STARD13: variants seen among roughly 807,000 people sequenced by gnomAD.
STARD13 encodes the protein StAR related lipid transfer domain containing 13.
STARD13 carries 62 observed loss-of-function variants against 106.4 expected under a neutral mutation model. That is an observed-to-expected ratio of 0.58 (90% CI 0.48 to 0.72). STARD13 has a LOEUF of 0.72. Ranked by LOEUF, STARD13 falls within the 30% of genes least tolerant of loss-of-function variation. STARD13 has a pLI of 0.00. For synonymous variants in STARD13, 565 were observed against 553.0 expected (o/e 1.02, Z -0.31); for missense variants, 1,387 against 1,424.0 (o/e 0.97, Z 0.42).
chr13:33,167,003 C>CA (rs139921719), intron 2 of STARD13, among the ~76,000 whole-genome samples: 5,694 of 126,696 alleles, frequency 0.045, 223 homozygotes, highest in African/African-American at 0.1. Flanking sequence ...CAAAAAAAAA[C>CA]AAAAAAAAAA....
At chr13:33,412,790 G>C in the STARD13 span, among the ~76,000 whole-genome samples, 1 of 152,062 alleles carries the variant, frequency 6.6e-6, no homozygotes, top group Non-Finnish European at 1.5e-5. Flanking sequence ...GTGTCAAAAA[G>C]CAGAGTTTCA....
intron 3 of STARD13, among the ~76,000 whole-genome samples, chr13:33,163,826 A>T (rs1279136868): frequency 1.3e-5 from 2 of 150,028 alleles, no homozygotes; most frequent in Admixed American, 6.7e-5. Context: ...AAAATAATAT[A>T]TAATTTTTCA....
rs931765756 is a variant in STARD13 at position 33,255,731 on chromosome 13, C to G, written c.169+29739G>C. On this transcript the variant is annotated intron_variant, in intron 1 of 13. Transcript: ENST00000336934. ...ATTTCCATCCTTAACTTCATTTCTG[C>G]CACACTCCCTCCAGGGCAGGGAGGG... Among the ~76,000 whole-genome samples, 8 of 152,244 alleles carry G rather than the reference C, an allele frequency of 5.3e-5. No individual in the cohort carries two copies. The East Asian group carries it at 7.7e-4, about 15-fold the overall frequency.
the STARD13 span, among the ~76,000 whole-genome samples, chr13:33,384,972 T>C: frequency 1.3e-5 from 2 of 151,898 alleles, no homozygotes; most frequent in African/African-American, 4.8e-5. Context: ...GAATCATGTC[T>C]GGGTTGATAA....
At chr13:33,161,364 G>A (rs777650671) in intron 3 of STARD13, among the ~76,000 whole-genome samples, 18 of 151,870 alleles carry the variant, frequency 1.2e-4, no homozygotes, top group Non-Finnish European at 2.5e-4. Flanking sequence ...ACCTAGGCTG[G>A]AGTGCAGTGG....
chr13:33,305,693 T>C (rs964833197), intron 1 of STARD13, among the ~76,000 whole-genome samples: 1 of 152,210 alleles, frequency 6.6e-6, no homozygotes, highest in African/African-American at 2.4e-5. Context: ...TGGGGAGCCT[T>C]ATGATCCAGT....
At chr13:33,582,913 A>G in the STARD13 span, among the ~76,000 whole-genome samples, 1 of 152,210 alleles carries the variant, frequency 6.6e-6, no homozygotes, top group Non-Finnish European at 1.5e-5. Context: ...CATTTCTCAT[A>G]TTGCTTGCCC....
intron 1 of STARD13, among the ~76,000 whole-genome samples, chr13:33,317,420 A>G (rs1893382691): frequency 6.6e-6 from 1 of 152,074 alleles, no homozygotes; most frequent in African/African-American, 2.4e-5. Context: ...CAATCACACC[A>G]TGTCTCATTA....
At chr13:33,316,506 TTCATGGCA>T (rs1225313014) in intron 1 of STARD13, among the ~76,000 whole-genome samples, 1 of 152,220 alleles carries the variant, frequency 6.6e-6, no homozygotes, top group Non-Finnish European at 1.5e-5. Flanking sequence ...ATCTATAATC[TTCATGGCA>T]ATGTTGTGTG....
chr13:33,422,259 A>T, the STARD13 span, among the ~76,000 whole-genome samples: 2,269 of 152,342 alleles, frequency 0.015, 66 homozygotes, highest in African/African-American at 0.052. Flanking sequence ...CTCAGGATAC[A>T]AAATCAATGT....
the STARD13 span, among the ~76,000 whole-genome samples, chr13:33,557,516 C>A: frequency 1.3e-5 from 2 of 152,150 alleles, no homozygotes; most frequent in Non-Finnish European, 2.9e-5. Context: ...GAAGAATTTA[C>A]ATTCTTCATA....
At chr13:33,373,672 T>G in the STARD13 span, among the ~76,000 whole-genome samples, 2 of 152,014 alleles carry the variant, frequency 1.3e-5, no homozygotes, top group Admixed American at 1.3e-4. Flanking sequence ...GATATACAAA[T>G]GGCCAATGAA....
intron 1 of STARD13, among the ~76,000 whole-genome samples, chr13:33,212,995 A>G (rs1887813318): frequency 6.6e-6 from 1 of 152,200 alleles, no homozygotes; most frequent in East Asian, 1.9e-4. Context: ...TTTGAAGCAA[A>G]TCAAGGCAAT....
At chr13:33,296,123 C>T (rs546148231) in intron 1 of STARD13, among the ~76,000 whole-genome samples, 7 of 151,588 alleles carry the variant, frequency 4.6e-5, no homozygotes, top group East Asian at 1.9e-4. Context: ...CAGCTGCTCA[C>T]GAGGTTGAGG....
the STARD13 span, among the ~76,000 whole-genome samples, chr13:33,523,455 T>C: frequency 6.6e-6 from 1 of 152,282 alleles, no homozygotes; most frequent in South Asian, 2.1e-4. Context: ...ATTACCTTTT[T>C]ACATTGTAAA....
At chr13:33,360,730 A>AAGGAGCCC in the STARD13 span, among the ~76,000 whole-genome samples, 1 of 10,320 alleles carries the variant, frequency 9.7e-5, no homozygotes, top group African/African-American at 3.7e-4. Flanking sequence ...AGAAGGACAT[A>AAGGAGCCC]TTGTTGATCG....
chr13:33,252,105 C>T (rs1890120217), intron 1 of STARD13, among the ~76,000 whole-genome samples: 2 of 152,306 alleles, frequency 1.3e-5, no homozygotes, highest in Admixed American at 1.3e-4. Flanking sequence ...CCCTCTGGCA[C>T]TAAAAAGGAA....
the STARD13 span, among the ~76,000 whole-genome samples, chr13:33,361,271 C>T: frequency 2.0e-5 from 3 of 151,756 alleles, no homozygotes; most frequent in African/African-American, 7.3e-5. Flanking sequence ...TTGTGACGAT[C>T]CACTTGCACT....
chr13:33,255,435 C>T (rs1890313475), intron 1 of STARD13, among the ~76,000 whole-genome samples: 1 of 152,020 alleles, frequency 6.6e-6, no homozygotes, highest in Non-Finnish European at 1.5e-5. Flanking sequence ...GGGCCAAACT[C>T]CATCCTCCAG....
Sources: gnomAD v4.1 joint callset for allele counts (sites outside exome capture counted in the v4.1 genomes callset) on GRCh38, gnomAD v4.1.1 for gene constraint, MANE v1.5 for transcripts, NCBI Gene and HGNC (gene_info 2026-07-23, HGNC 2026-07-21) for gene names.